Variants in C1QTNF1 observed in about 807,000 individuals in gnomAD.
The protein encoded by C1QTNF1 is complement C1q tumor necrosis factor-related protein 1.
In C1QTNF1, 22 loss-of-function variants were observed where a neutral mutation model predicts 27.8. The observed-to-expected ratio is 0.79, with a 90% CI of 0.56 to 1.13. The LOEUF (loss-of-function observed/expected upper bound fraction) is 1.13. Ranked by LOEUF, C1QTNF1 falls within the 50% of genes most tolerant of loss-of-function variation. The probability of loss-of-function intolerance (pLI) is 0.00; values close to 1 mark genes in which losing one functional copy is unlikely to be tolerated. For synonymous variants in C1QTNF1, 166 were observed against 154.3 expected (o/e 1.08, Z -0.56); for missense variants, 373 against 380.2 (o/e 0.98, Z 0.16).
intron 1 of C1QTNF1, among the ~76,000 whole-genome samples, chr17:79,034,944 GGAGAGTCT>G (rs1242179059): frequency 6.6e-6 from 1 of 152,106 alleles, no homozygotes; most frequent in African/African-American, 2.4e-5. Flanking sequence ...AGGGAAAGAG[GGAGAGTCT>G]GAGACCAGTG....
intron 1 of C1QTNF1, among the ~76,000 whole-genome samples, chr17:79,033,405 T>C (rs1464867793): frequency 6.6e-6 from 1 of 152,108 alleles, no homozygotes; most frequent in Non-Finnish European, 1.5e-5. Context: ...AGATGTGGTG[T>C]GGACCAGGAC....
intron 1 of C1QTNF1, chr17:79,025,890 A>G: frequency 2.3e-6 from 1 of 429,138 alleles, no homozygotes; most frequent in South Asian, 1.6e-5. Context: ...CATCACCATC[A>G]TCATCATCAT....
At position 79,046,378 on chromosome 17, in the gene C1QTNF1, G is replaced by A. The variant is rs1475921654; in HGVS notation, c.156-177G>A. Among the ~76,000 whole-genome samples, 2 of 152,172 alleles carry A rather than the reference G, an allele frequency of 1.3e-5. No individual in the cohort carries two copies. The highest frequency in any genetic ancestry group is 2.9e-5 in the Non-Finnish European group (2 of 68,022). ...TTAACAGAGGGCAGGGGGCTCGTTC[G>A]GTAGTGAGGATCCCAGAGTGGGCCG... On this transcript the variant is annotated intron_variant, in intron 2 of 3. Coordinates refer to ENST00000579760, the MANE Select transcript of C1QTNF1 (RefSeq NM_030968.5). The surrounding 1 kb of genome is among the most constrained non-coding windows in gnomAD (Gnocchi z 4.8).
intron 3 of C1QTNF1, chr17:79,047,055 G>A (rs1012647614): frequency 4.4e-5 from 13 of 296,446 alleles, no homozygotes; most frequent in African/African-American, 2.1e-4. Flanking sequence ...TGCTCGCTCC[G>A]GTCCTGCACA....
chr17:79,031,106 T>C (rs2050960027), intron 1 of C1QTNF1, among the ~76,000 whole-genome samples: 1 of 149,974 alleles, frequency 6.7e-6, no homozygotes, highest in Admixed American at 6.6e-5. Flanking sequence ...GACAGGTTCA[T>C]GCCATTCTCC....
At chr17:79,032,770 G>A (rs1298085891) in intron 1 of C1QTNF1, among the ~76,000 whole-genome samples, 1 of 152,086 alleles carries the variant, frequency 6.6e-6, no homozygotes, top group Non-Finnish European at 1.5e-5. Context: ...GGGCTTAAAA[G>A]CCTTAGGGCA....
At chr17:79,030,485 T>TTCTCTTTCTTTCTTTCTTTCTTTC in intron 1 of C1QTNF1, among the ~76,000 whole-genome samples, 1 of 121,804 alleles carries the variant, frequency 8.2e-6, no homozygotes, top group Non-Finnish European at 1.7e-5. Flanking sequence ...CTTTCTTTCT[T>TTCTCTTTCTTTCTTTCTTTCTTTC]TTTCTTTCTT....
intron 1 of C1QTNF1, among the ~76,000 whole-genome samples, chr17:79,030,209 G>C (rs532052466): frequency 6.6e-6 from 1 of 152,214 alleles, no homozygotes; most frequent in East Asian, 1.9e-4. Flanking sequence ...ACTGTTACAG[G>C]GGAAAGAAAC....
chr17:79,037,161 C>T (rs755291972), intron 1 of C1QTNF1, among the ~76,000 whole-genome samples: 4 of 152,138 alleles, frequency 2.6e-5, no homozygotes, highest in African/African-American at 4.8e-5. Context: ...GATGGAGTCT[C>T]GCTCTGTCGC....
chr17:79,038,602 C>T (rs1446080328), intron 1 of C1QTNF1, among the ~76,000 whole-genome samples: 1 of 152,198 alleles, frequency 6.6e-6, no homozygotes, highest in African/African-American at 2.4e-5. Flanking sequence ...GTTGCCTTGC[C>T]TGCGATGAGG....
At chr17:79,039,645 T>C (rs2072349987) in intron 1 of C1QTNF1, among the ~76,000 whole-genome samples, 1 of 151,268 alleles carries the variant, frequency 6.6e-6, no homozygotes, top group African/African-American at 2.4e-5. Context: ...AGAGCGAGAC[T>C]CTGTCTCAAA....
intron 1 of C1QTNF1, among the ~76,000 whole-genome samples, chr17:79,029,416 C>T (rs1274472817): frequency 6.6e-6 from 1 of 152,194 alleles, no homozygotes; most frequent in East Asian, 1.9e-4. Flanking sequence ...GCTGTTTGCG[C>T]ATTCTAAGGA....
At chr17:79,039,068 C>T (rs951263823) in intron 1 of C1QTNF1, among the ~76,000 whole-genome samples, 3 of 141,660 alleles carry the variant, frequency 2.1e-5, no homozygotes, top group Admixed American at 6.9e-5. Flanking sequence ...TCGTTCCTAA[C>T]CCAGCTGCAT....
At chr17:79,036,121 T>C (rs1306921227) in intron 1 of C1QTNF1, among the ~76,000 whole-genome samples, 1 of 152,250 alleles carries the variant, frequency 6.6e-6, no homozygotes, top group Non-Finnish European at 1.5e-5. Context: ...TCTGCAATGA[T>C]TGAAATGTTC....
chr17:79,030,495 T>TTCTTTC (rs1568061098), intron 1 of C1QTNF1, among the ~76,000 whole-genome samples: 1 of 104,650 alleles, frequency 9.6e-6, no homozygotes, highest in Non-Finnish European at 2.0e-5. Context: ...TTTTCTTTCT[T>TTCTTTC]TCTTTCTTTC....
rs199878312 is a variant in C1QTNF1, at chr17:79,043,415, ATG to A, written c.-14-534_-14-533del. 0.012 allele frequency: 5,582 copies of A among 449,894 alleles called. 211 individuals carry two copies. In the East Asian group the frequency reaches 0.15, roughly 12 times the overall value. 27.9% of individuals were successfully genotyped at this position (449,894 alleles called of 1,614,324 possible). On this transcript the variant is annotated intron_variant, in intron 1 of 3. Coordinates refer to ENST00000579760, the MANE Select transcript of C1QTNF1 (RefSeq NM_030968.5). The stretch of plus-strand genomic sequence containing the variant: ...TGTATGTGCATGTGAGTGTGAGTGT[ATG>A]TGTGTTGACTGTGTGCATGTGAGCG...
rs1028686515 is a variant in C1QTNF1 at position 79,048,482 on chromosome 17, A to C, written c.*394A>C. ...GCAAAGTAAACCGTGGAGGACAAAG[A>C]AAAGGGTTGTTATTTTTGTCTTTCC... On this transcript the variant is annotated 3_prime_UTR_variant, in exon 4 of 4. Transcript: ENST00000579760. The C allele has an allele frequency of 1.7e-5, 3 of 176,598 alleles. No individual in the cohort carries two copies. Among genetic ancestry groups the C allele is most frequent in the African/African-American group, 7.1e-5 (3 of 42,280 alleles). 10.9% of individuals were successfully genotyped at this position (176,598 alleles called of 1,614,324 possible).
intron 1 of C1QTNF1, among the ~76,000 whole-genome samples, chr17:79,028,023 T>C (rs2145884272): frequency 6.6e-6 from 1 of 152,336 alleles, no homozygotes; most frequent in South Asian, 2.1e-4. Flanking sequence ...GCCCCCATCC[T>C]GTCCAGGACG....
chr17:79,040,724 T>C (rs1308934799), intron 1 of C1QTNF1, among the ~76,000 whole-genome samples: 1 of 124,050 alleles, frequency 8.1e-6, no homozygotes, highest in Non-Finnish European at 1.6e-5. Context: ...TGAAAATTTG[T>C]CTCTACAAAA....
Sources: gnomAD v4.1 joint callset for allele counts (sites outside exome capture counted in the v4.1 genomes callset) on GRCh38, gnomAD v4.1.1 for gene constraint, Gnocchi (gnomAD v3.1) non-coding constraint, MANE v1.5 for transcripts, NCBI Gene and HGNC (gene_info 2026-07-23, HGNC 2026-07-21) for gene names.